The following KAZN variants were observed in gnomAD, a reference collection of about 807,000 sequenced individuals.
The protein encoded by KAZN is kazrin, periplakin interacting protein.
KAZN carries 40 observed loss-of-function variants against 87.4 expected under a neutral mutation model. That is an observed-to-expected ratio of 0.46 (90% CI 0.36 to 0.60). The LOEUF is 0.60. Among genes scored for constraint, KAZN ranks in the 20% least tolerant of loss-of-function variants. The pLI, the probability that KAZN is intolerant of heterozygous loss-of-function variation, is 0.00. For missense variants in KAZN, 898 were observed against 1,073.9 expected, an observed-to-expected ratio of 0.84 and a Z score of 2.29; for synonymous variants, 466 against 458.3, an observed-to-expected ratio of 1.02 and a Z score of -0.22.
At chr1:14,983,344 G>A (rs769839840) in intron 2 of KAZN, among the ~76,000 whole-genome samples, 2 of 152,168 alleles carry the variant, frequency 1.3e-5, no homozygotes, top group Admixed American at 6.5e-5. Flanking sequence ...GGAAGTGGGC[G>A]CAGTAGATTC....
intron 1 of KAZN, among the ~76,000 whole-genome samples, chr1:14,797,017 A>G (rs771590428): frequency 1.2e-4 from 19 of 152,196 alleles, no homozygotes; most frequent in African/African-American, 4.6e-4. Flanking sequence ...GGTAACACAC[A>G]TGGAGGTAGA....
intron 1 of KAZN, among the ~76,000 whole-genome samples, chr1:14,032,601 T>C (rs1007248694): frequency 2.6e-5 from 4 of 152,178 alleles, no homozygotes; most frequent in Non-Finnish European, 4.4e-5. Flanking sequence ...CTCAGTCTGG[T>C]GTTTCCCATC....
chr1:14,819,979 C>T (rs1489558249), intron 1 of KAZN, among the ~76,000 whole-genome samples: 2 of 151,834 alleles, frequency 1.3e-5, no homozygotes, highest in African/African-American at 2.4e-5. Flanking sequence ...CAAAGTGCTA[C>T]GATGTAGGCA....
chr1:14,443,286 A>T (rs1176912200), intron 2 of KAZN, among the ~76,000 whole-genome samples: 1 of 152,248 alleles, frequency 6.6e-6, no homozygotes, highest in Non-Finnish European at 1.5e-5. Flanking sequence ...TTTCTGCACC[A>T]TGAGATAAGG....
intron 2 of KAZN, among the ~76,000 whole-genome samples, chr1:14,554,670 G>A (rs971654212): frequency 1.3e-4 from 20 of 152,148 alleles, no homozygotes; most frequent in African/African-American, 4.8e-4. Context: ...TCCGGTACTT[G>A]ACATCTCTAG....
intron 2 of KAZN, among the ~76,000 whole-genome samples, chr1:14,294,682 G>T (rs768614373): frequency 2.8e-5 from 4 of 142,862 alleles, no homozygotes; most frequent in Admixed American, 6.9e-5. Flanking sequence ...CAGGGAAACT[G>T]CCCAGGCTCA....
intron 1 of KAZN, among the ~76,000 whole-genome samples, chr1:14,727,369 A>C (rs1189093225): frequency 2.0e-5 from 3 of 147,576 alleles, no homozygotes; most frequent in African/African-American, 7.5e-5. Flanking sequence ...GGTTTCATTG[A>C]AGACAATTTT....
At chr1:14,562,565 G>A (rs534978674) in intron 2 of KAZN, among the ~76,000 whole-genome samples, 44 of 152,290 alleles carry the variant, frequency 2.9e-4, no homozygotes, top group Non-Finnish European at 4.7e-4. Flanking sequence ...TTTCTTCTGT[G>A]AGGTTTTCAG....
intron 1 of KAZN, among the ~76,000 whole-genome samples, chr1:13,999,235 G>A (rs1015218521): frequency 1.3e-5 from 2 of 152,116 alleles, no homozygotes; most frequent in African/African-American, 4.8e-5. Context: ...TGTAATCTCA[G>A]CACTCAGGAG....
intron 1 of KAZN, among the ~76,000 whole-genome samples, chr1:14,898,397 T>TG (rs1655493683): frequency 6.6e-6 from 1 of 152,174 alleles, no homozygotes; most frequent in African/African-American, 2.4e-5. Context: ...CAGGAGTGGC[T>TG]GTGTGGCAAG....
intron 2 of KAZN, among the ~76,000 whole-genome samples, chr1:14,530,915 T>C (rs1246842350): frequency 6.6e-6 from 1 of 152,100 alleles, no homozygotes; most frequent in Non-Finnish European, 1.5e-5. Context: ...ACCTTGTCTC[T>C]ACAAAAAATT....
intron 2 of KAZN, among the ~76,000 whole-genome samples, chr1:14,563,435 T>C (rs1359328678): frequency 6.6e-6 from 1 of 152,174 alleles, no homozygotes; most frequent in East Asian, 1.9e-4. Context: ...ATTTTGAGAA[T>C]AATGGTTCAC....
intron 1 of KAZN, among the ~76,000 whole-genome samples, chr1:14,802,881 G>A (rs74059372): frequency 0.013 from 1,957 of 152,244 alleles, 43 homozygotes; most frequent in African/African-American, 0.045. Flanking sequence ...AGAAGGGAAC[G>A]AGGAGTGAGC....
At chr1:14,162,844 G>A (rs562959420) in intron 1 of KAZN, among the ~76,000 whole-genome samples, 9 of 152,106 alleles carry the variant, frequency 5.9e-5, no homozygotes, top group East Asian at 1.9e-4. Context: ...ACGCTTGGCC[G>A]GCTTTATCTT....
At chr1:14,975,790 G>T (rs765447293) in intron 2 of KAZN, among the ~76,000 whole-genome samples, 1 of 152,108 alleles carries the variant, frequency 6.6e-6, no homozygotes, top group Non-Finnish European at 1.5e-5. Context: ...CCAGTACTGC[G>T]GGAGGCCGAG....
At chr1:14,639,523 A>G (rs751340346) in intron 1 of KAZN, among the ~76,000 whole-genome samples, 4 of 152,170 alleles carry the variant, frequency 2.6e-5, no homozygotes, top group Non-Finnish European at 2.9e-5. Context: ...GGCAGTATAA[A>G]TGCCCTATGG....
Position 14,979,816 on chromosome 1 carries a change from C to A in KAZN, c.418+18941C>A, listed in dbSNP as rs111899795. Among the ~76,000 whole-genome samples the A allele has an allele frequency of 5.3e-3, 807 of 152,206 alleles. 8 individuals carry two copies. The highest frequency in any genetic ancestry group is 0.018 in the African/African-American group (757 of 41,528). ...ATTACGGGATTATAATAGTACCTAC[C>A]CCTTGGTTGTGAAGATTAAATGAGC... On this transcript the variant is annotated intron_variant, in intron 2 of 14. Coordinates refer to ENST00000376030, the MANE Select transcript of KAZN (RefSeq NM_201628.3).
chr1:14,990,901 A>C lies in KAZN; in HGVS notation c.418+30026A>C, dbSNP rs1309631374. ...AGGCCTGATCTAGTTTGCCTGATAA[A>C]AATGGATCAGGGGAAATGTAGCCAC... is the stretch of plus-strand genomic sequence containing the variant. On this transcript the variant is annotated intron_variant, in intron 2 of 14. Coordinates refer to ENST00000376030, the MANE Select transcript of KAZN (RefSeq NM_201628.3). Among the ~76,000 whole-genome samples, 3 of 150,850 alleles carry C rather than the reference A, an allele frequency of 2.0e-5. No individual in the cohort carries two copies. The Admixed American group carries it at 2.0e-4, about 10-fold the overall frequency.
chr1:14,670,562 C>T (rs183315359), intron 1 of KAZN, among the ~76,000 whole-genome samples: 1 of 152,326 alleles, frequency 6.6e-6, no homozygotes, highest in Admixed American at 6.5e-5. Flanking sequence ...ACCATGAACT[C>T]ATCCCCTCTG....
Sources: allele counts gnomAD v4.1 joint callset (sites outside exome capture counted in the v4.1 genomes callset), GRCh38; gene constraint gnomAD v4.1.1; transcripts MANE v1.5; gene names NCBI Gene and HGNC (gene_info 2026-07-23, HGNC 2026-07-21).